Variants in RAD51B observed in about 807,000 individuals in gnomAD.
RAD51B encodes RAD51 paralog B.
Under a neutral mutation model 42.2 loss-of-function variants are expected in RAD51B, and 38 were observed. That is an observed-to-expected ratio of 0.90 (90% CI 0.70 to 1.18). RAD51B has a LOEUF of 1.18. Among genes scored for constraint, RAD51B ranks in the 50% most tolerant of loss-of-function variants. The pLI is 0.00. For missense variants in RAD51B, 373 were observed against 400.7 expected, an observed-to-expected ratio of 0.93 and a Z score of 0.59; for synonymous variants, 154 against 145.2, an observed-to-expected ratio of 1.06 and a Z score of -0.43.
chr14:68,162,240 C>G (rs1331299647), intron 7 of RAD51B, among the ~76,000 whole-genome samples: 1 of 152,132 alleles, frequency 6.6e-6, no homozygotes, highest in African/African-American at 2.4e-5. Context: ...ATTGAATTAT[C>G]TTGGTTAGTG....
intron 4 of RAD51B, among the ~76,000 whole-genome samples, chr14:67,858,909 A>G (rs935600920): frequency 2.6e-5 from 4 of 152,208 alleles, no homozygotes; most frequent in Admixed American, 2.6e-4. Flanking sequence ...AATTTGATCC[A>G]TGTTGTTTTT....
At position 68,206,138 on chromosome 14, in the gene RAD51B, T is replaced by G. The variant is rs79108926; in HGVS notation, c.757-85746T>G. Among the ~76,000 whole-genome samples, 1,493 of 152,344 alleles carry G rather than the reference T, an allele frequency of 9.8e-3. 38 individuals are homozygous for G. The highest frequency in any genetic ancestry group is 0.034 in the African/African-American group (1,406 of 41,578). ...AAAGAATTTAAGCCCCCCCTCTTGCTTTTTAAAAATTTGTCTGATGTTTCC... is the reference window on the plus strand; with the variant it reads ...AAAGAATTTAAGCCCCCCCTCTTGCGTTTTAAAAATTTGTCTGATGTTTCC... On this transcript the variant is annotated intron_variant, in intron 7 of 10. Coordinates refer to ENST00000471583, the MANE Select transcript of RAD51B (RefSeq NM_133510.4).
chr14:68,450,271 T>C (rs1196126951), intron 9 of RAD51B, among the ~76,000 whole-genome samples: 1 of 132,666 alleles, frequency 7.5e-6, no homozygotes. Context: ...CAGACTGGAG[T>C]GCAATGGCAC....
intron 10 of RAD51B, among the ~76,000 whole-genome samples, chr14:68,523,249 T>C (rs995919141): frequency 1.3e-5 from 2 of 152,208 alleles, no homozygotes; most frequent in Non-Finnish European, 2.9e-5. Flanking sequence ...CAAGTGGCCC[T>C]GCCCTGGGAT....
At chr14:67,919,110 A>G (rs1193683797) in intron 7 of RAD51B, among the ~76,000 whole-genome samples, 1 of 152,118 alleles carries the variant, frequency 6.6e-6, no homozygotes, top group Admixed American at 6.5e-5. Context: ...ACCAAATTAA[A>G]CTGATGCATG....
chr14:68,544,598 T>G (rs1395243088), intron 10 of RAD51B, among the ~76,000 whole-genome samples: 1 of 152,058 alleles, frequency 6.6e-6, no homozygotes, highest in African/African-American at 2.4e-5. Context: ...CCTAAAGAGA[T>G]AGGACTAATG....
intron 5 of RAD51B, among the ~76,000 whole-genome samples, chr14:67,869,207 A>G (rs1422760880): frequency 2.0e-5 from 3 of 152,306 alleles, no homozygotes; most frequent in African/African-American, 7.2e-5. Flanking sequence ...AGAAGAATGT[A>G]TAACTAGAAT....
chr14:68,406,686 C>A (rs1322971930), intron 8 of RAD51B, among the ~76,000 whole-genome samples: 1 of 152,082 alleles, frequency 6.6e-6, no homozygotes, highest in Non-Finnish European at 1.5e-5. Flanking sequence ...AATAAATTAA[C>A]CTTTGATTAC....
At chr14:68,260,040 A>T (rs577496424) in intron 7 of RAD51B, among the ~76,000 whole-genome samples, 1 of 152,144 alleles carries the variant, frequency 6.6e-6, no homozygotes, top group East Asian at 1.9e-4. Flanking sequence ...GATATATTTG[A>T]CCAGGGAAAT....
At chr14:68,316,328 C>G (rs975010839) in intron 8 of RAD51B, among the ~76,000 whole-genome samples, 3 of 152,214 alleles carry the variant, frequency 2.0e-5, no homozygotes. Context: ...GTTTACCAAC[C>G]TGGCACGAAT....
intron 11 of RAD51B, among the ~76,000 whole-genome samples, chr14:68,681,317 G>C (rs1893425368): frequency 6.6e-6 from 1 of 152,176 alleles, no homozygotes; most frequent in Non-Finnish European, 1.5e-5. Context: ...GAGTCAGAGA[G>C]GGGTGAAGTT....
intron 8 of RAD51B, among the ~76,000 whole-genome samples, chr14:68,321,164 A>C (rs7146850): frequency 0.53 from 80,025 of 151,912 alleles, 22,828 homozygotes; most frequent in South Asian, 0.65. Context: ...AACCCTGCCC[A>C]CCAAAAAAGT....
chr14:68,472,482 G>T (rs1321296270), intron 10 of RAD51B, among the ~76,000 whole-genome samples: 1 of 152,164 alleles, frequency 6.6e-6, no homozygotes. Context: ...AGGTCCAGGG[G>T]AATGAAGGGT....
chr14:67,877,053 C>G (rs2042750766), intron 5 of RAD51B, among the ~76,000 whole-genome samples: 1 of 151,948 alleles, frequency 6.6e-6, no homozygotes, highest in Non-Finnish European at 1.5e-5. Flanking sequence ...ACAGTTTCCC[C>G]TTTAGTAGGT....
In RAD51B at chr14:68,334,926, TAC is replaced by T. The variant is rs543404604; in HGVS notation, c.853+42954_853+42955del. 2.2e-3 allele frequency among the ~76,000 whole-genome samples: 322 copies of T among 144,412 alleles called. 3 individuals are homozygous for T. Among genetic ancestry groups the T allele is most frequent in the African/African-American group, 7.5e-3 (295 of 39,450 alleles). The allele number at this position is 144,412 out of a possible 152,430, so 94.7% of individuals were successfully genotyped here. A position where few individuals can be genotyped will look rare whatever the true frequency, so the allele number is the denominator to read the frequency against. ...GGATAGATATATTTTATGATATATA[TAC>T]ACACACATATATAAGTATTATATAT... On this transcript the variant is annotated intron_variant, in intron 8 of 10. Transcript: ENST00000471583.
intron 8 of RAD51B, among the ~76,000 whole-genome samples, chr14:68,319,675 A>T (rs2139759320): frequency 6.6e-6 from 1 of 152,262 alleles, no homozygotes; most frequent in South Asian, 2.1e-4. Flanking sequence ...TTCCAGCTTT[A>T]ACTCAGAGGA....
chr14:68,292,757 G>T (rs1304252841), intron 8 of RAD51B, among the ~76,000 whole-genome samples: 1 of 152,180 alleles, frequency 6.6e-6, no homozygotes, highest in Admixed American at 6.5e-5. Context: ...GGCTGCCCAG[G>T]TGATCTTCTG....
intron 7 of RAD51B, among the ~76,000 whole-genome samples, chr14:68,189,250 A>G (rs976394342): frequency 3.3e-5 from 5 of 152,154 alleles, no homozygotes; most frequent in African/African-American, 9.7e-5. Flanking sequence ...GAGGGTAGGA[A>G]CAATATTTTA....
chr14:68,081,232 A>G (rs1470216885), intron 7 of RAD51B, among the ~76,000 whole-genome samples: 5 of 152,232 alleles, frequency 3.3e-5, no homozygotes, highest in Non-Finnish European at 4.4e-5. Flanking sequence ...TGTCTTCCAG[A>G]GAGCATAGGT....
Sources: gnomAD v4.1 joint callset for allele counts (sites outside exome capture counted in the v4.1 genomes callset) on GRCh38, gnomAD v4.1.1 for gene constraint, MANE v1.5 for transcripts, NCBI Gene and HGNC (gene_info 2026-07-23, HGNC 2026-07-21) for gene names.